TMTC4: variants seen among roughly 807,000 people sequenced by gnomAD.
TMTC4 encodes the protein protein O-mannosyl-transferase TMTC4.
A neutral mutation model predicts 86.0 loss-of-function variants in TMTC4; 65 were observed. The ratio of observed to expected loss-of-function variants is 0.76; its 90% CI spans 0.62 to 0.93. TMTC4 has a LOEUF of 0.93. Ranked by LOEUF, TMTC4 falls within the 40% of genes least tolerant of loss-of-function variation. The pLI, the probability that TMTC4 is intolerant of heterozygous loss-of-function variation, is 0.00. For missense variants in TMTC4, 866 were observed against 948.1 expected, an observed-to-expected ratio of 0.91 and a Z score of 1.14; for synonymous variants, 379 against 382.5, an observed-to-expected ratio of 0.99 and a Z score of 0.11.
chr13:100,620,876 GTTC>G lies in TMTC4; in HGVS notation c.1836+4656_1836+4658del, dbSNP rs754360987. ...ACAAAAAACCCTCTTAAGCTATTAA[GTTC>G]TTATTTGCCAGTATATAAATGGGTT... On this transcript the variant is annotated intron_variant, in intron 15 of 18. Coordinates refer to ENST00000342624, the MANE Select transcript of TMTC4 (RefSeq NM_032813.5). Among the ~76,000 whole-genome samples the G allele has an allele frequency of 7.2e-5, 11 of 152,278 alleles. No homozygotes were observed. The East Asian group carries it at 1.7e-3, about 24-fold the overall frequency.
At chr13:100,657,256 C>G (rs943520389) in intron 5 of TMTC4, among the ~76,000 whole-genome samples, 4 of 152,158 alleles carry the variant, frequency 2.6e-5, no homozygotes, top group Admixed American at 2.6e-4. Context: ...GCCGTCCTGC[C>G]GATAGAAAAA....
At chr13:100,617,735 T>C (rs183179842) in intron 15 of TMTC4, among the ~76,000 whole-genome samples, 175 of 152,382 alleles carry the variant, frequency 1.1e-3, no homozygotes, top group African/African-American at 3.9e-3. Context: ...TTGGTTACTG[T>C]GGCCTTACAG....
chr13:100,638,905 C>T (rs2138891265), intron 7 of TMTC4: 1 of 152,350 alleles, frequency 6.6e-6, no homozygotes, highest in Admixed American at 6.5e-5. Flanking sequence ...TAGCAGTCCA[C>T]CTATGTTAAC....
chr13:100,651,153 TTTC>T (rs1292117147), intron 6 of TMTC4, among the ~76,000 whole-genome samples: 1 of 152,174 alleles, frequency 6.6e-6, no homozygotes, highest in African/African-American at 2.4e-5. Context: ...TGAGAATAAA[TTTC>T]TTCTTTTGGT....
chr13:100,644,777 T>C (rs1430175336), intron 6 of TMTC4, among the ~76,000 whole-genome samples: 1 of 152,174 alleles, frequency 6.6e-6, no homozygotes, highest in African/African-American at 2.4e-5. Context: ...CAGGAAAGCC[T>C]CATTAACTGA....
At chr13:100,636,165 C>A (rs982691261) in intron 10 of TMTC4, among the ~76,000 whole-genome samples, 1 of 152,162 alleles carries the variant, frequency 6.6e-6, no homozygotes, top group African/African-American at 2.4e-5. Flanking sequence ...GCAGCGTTCA[C>A]CAGGGTGTTT....
chr13:100,653,761 C>T (rs943652462), intron 6 of TMTC4, among the ~76,000 whole-genome samples: 3 of 152,148 alleles, frequency 2.0e-5, no homozygotes, highest in Non-Finnish European at 4.4e-5. Flanking sequence ...TTAAACCCTC[C>T]GCTTTACACT....
chr13:100,629,699 C>G (rs1881059155), intron 12 of TMTC4, among the ~76,000 whole-genome samples: 1 of 152,128 alleles, frequency 6.6e-6, no homozygotes, highest in Non-Finnish European at 1.5e-5. Context: ...ATTAAACCCT[C>G]AGCACCCCAG....
intron 15 of TMTC4, among the ~76,000 whole-genome samples, chr13:100,619,087 C>T (rs1039049392): frequency 6.8e-6 from 1 of 147,308 alleles, no homozygotes; most frequent in African/African-American, 2.5e-5. Context: ...GCGCCCCTCA[C>T]CTCCCGGACG....
intron 3 of TMTC4, among the ~76,000 whole-genome samples, chr13:100,666,736 C>T (rs1414233449): frequency 6.6e-6 from 1 of 152,222 alleles, no homozygotes; most frequent in African/African-American, 2.4e-5. Context: ...CTTGCGCTTG[C>T]TATCCCAGCA....
chr13:100,634,664 C>T, intron 12 of TMTC4, 141 bp downstream of exon 12: 4 of 1,059,946 alleles, frequency 3.8e-6, no homozygotes, highest in African/African-American at 1.6e-5. Flanking sequence ...TAAAAAAAAC[C>T]ATACATAACA....
intron 15 of TMTC4, among the ~76,000 whole-genome samples, chr13:100,618,806 G>T (rs1878978947): frequency 6.6e-6 from 1 of 152,210 alleles, no homozygotes; most frequent in Non-Finnish European, 1.5e-5. Context: ...AGGGTTGGGG[G>T]TAAGGTCACC....
Position 100,668,574 on chromosome 13 carries a change from C to T in TMTC4, c.219+5G>A, listed in dbSNP as rs375859606. 6.2e-7 allele frequency: 1 copy of T among 1,613,498 alleles called. No homozygotes were observed. Among genetic ancestry groups the T allele is most frequent in the African/African-American group, 1.3e-5 (1 of 74,880 alleles). Reference sequence around the variant, plus strand: ...AGTTTACCAGAAAAGAGTTGAGATACAAACCTTATTGTTAACAATAGCTTC... The same window carrying T: ...AGTTTACCAGAAAAGAGTTGAGATATAAACCTTATTGTTAACAATAGCTTC... On this transcript the variant is annotated splice_donor_5th_base_variant and intron_variant, in intron 3 of 18. Coordinates refer to ENST00000342624, the MANE Select transcript of TMTC4 (RefSeq NM_032813.5).
intron 16 of TMTC4, among the ~76,000 whole-genome samples, chr13:100,613,005 T>C (rs1489809307): frequency 6.6e-6 from 1 of 152,198 alleles, no homozygotes; most frequent in Non-Finnish European, 1.5e-5. Context: ...ATTGATGGGG[T>C]GCATGTGATA....
chr13:100,618,820 T>C (rs983950384), intron 15 of TMTC4, among the ~76,000 whole-genome samples: 3 of 152,356 alleles, frequency 2.0e-5, no homozygotes, highest in South Asian at 2.1e-4. Context: ...GGTCACCGAT[T>C]AGCAGGATCC....
intron 2 of TMTC4, among the ~76,000 whole-genome samples, chr13:100,669,444 C>T (rs1886799289): frequency 6.6e-6 from 1 of 152,064 alleles, no homozygotes; most frequent in Non-Finnish European, 1.5e-5. Context: ...TATCTTGTCC[C>T]AGAAAAGGCT....
chr13:100,631,396 A>C (rs1419568343), intron 12 of TMTC4, among the ~76,000 whole-genome samples: 2 of 152,264 alleles, frequency 1.3e-5, no homozygotes, highest in Non-Finnish European at 2.9e-5. Flanking sequence ...ATTGTGGCAT[A>C]TGATCTGTTT....
intron 15 of TMTC4, among the ~76,000 whole-genome samples, chr13:100,618,177 A>G (rs1482329068): frequency 6.6e-6 from 1 of 152,102 alleles, no homozygotes; most frequent in African/African-American, 2.4e-5. Context: ...ACTTTTGTAC[A>G]CTGACTTTGT....
chr13:100,654,961 T>C (rs1169098099), intron 6 of TMTC4, among the ~76,000 whole-genome samples: 3 of 150,844 alleles, frequency 2.0e-5, no homozygotes, highest in East Asian at 1.9e-4. Context: ...TTAACATCAA[T>C]AAAATGGCAC....
Sources: gnomAD v4.1 joint callset for allele counts (sites outside exome capture counted in the v4.1 genomes callset) on GRCh38, gnomAD v4.1.1 for gene constraint, MANE v1.5 for transcripts, NCBI Gene and HGNC (gene_info 2026-07-23, HGNC 2026-07-21) for gene names.